Variants in IFNA2 observed in about 807,000 individuals in gnomAD.
The protein encoded by IFNA2 is interferon alpha-2.
For missense variants in IFNA2, 260 were observed against 210.3 expected, an observed-to-expected ratio of 1.24 and a Z score of -1.46; for synonymous variants, 91 against 80.7, an observed-to-expected ratio of 1.13 and a Z score of -0.68.
chr9:21,385,274 C>G lies in IFNA2; in HGVS notation c.56G>C (p.Ser19Thr). ...VALLVLSCKSSCSVGCDLPQT... is the reference protein window; with the variant it reads ...VALLVLSCKSTCSVGCDLPQT... ...AGGCAGATCACAGCCCACAGAGCAG[C>G]TTGACTTGCAGCTGAGCACCAGGAG... Residue 19 changes from serine to threonine, a missense_variant, in exon 1 of 1, where the codon AGC (serine) becomes ACC (threonine). Physicochemically the swap from Ser to Thr is moderately conservative, Grantham distance 58. Coordinates refer to ENST00000380206, the MANE Select transcript of IFNA2 (RefSeq NM_000605.4). The G allele has an allele frequency of 1.2e-6, 2 of 1,613,682 alleles. No individual in the cohort carries two copies. The highest frequency in any genetic ancestry group is 1.7e-6 in the Non-Finnish European group (2 of 1,179,822).
rs755130573 is a variant in IFNA2, at chr9:21,385,305, C to T, written c.25G>A (p.Val9Met). MALTFALL[V>M]ALLVLSCKSS... ...TTGCAGCTGAGCACCAGGAGGGCCA[C>T]CAGTAAAGCAAAGGTCAAGGCCATT... Residue 9 changes from valine (V) to methionine (M), a missense_variant, in exon 1 of 1, where the codon GTG (valine) becomes ATG (methionine). Transcript: ENST00000380206. 1 of 1,612,822 alleles carries T rather than the reference C, an allele frequency of 6.2e-7. No homozygotes were observed. Among genetic ancestry groups the T allele is most frequent in the Non-Finnish European group, 8.5e-7 (1 of 1,179,390 alleles).
Position 21,384,687 on chromosome 9 carries a change from T to G in IFNA2, c.*76A>C. The G allele has an allele frequency of 7.3e-7, 1 of 1,370,180 alleles. No homozygotes were observed. The allele number at this position is 1,370,180 out of a possible 1,614,324, so 84.9% of individuals were successfully genotyped here. On this transcript the variant is annotated 3_prime_UTR_variant, in exon 1 of 1. Transcript: ENST00000380206. ...GTCATGGTCATAGCAGAAACATGAG[T>G]CTTTGAAATGGCAGATCATAAAAAG...
At position 21,385,313 on chromosome 9, in the gene IFNA2, G is replaced by T. The variant is rs35971916; in HGVS notation, c.17C>A (p.Ala6Asp). The T allele has an allele frequency of 1.3e-3, 2,133 of 1,612,332 alleles. 36 individuals carry two copies. In the African/African-American group the frequency reaches 0.025, roughly 19 times the overall value. Reference sequence around the variant, plus strand: ...GAGCACCAGGAGGGCCACCAGTAAAGCAAAGGTCAAGGCCATTGTAGATGT... The same window carrying T: ...GAGCACCAGGAGGGCCACCAGTAAATCAAAGGTCAAGGCCATTGTAGATGT... The part of the protein sequence containing the change: MALTF[A>D]LLVALLVLSC... Residue 6 changes from alanine to aspartate, a missense_variant, in exon 1 of 1, where the codon GCT becomes GAT. Ala to Asp is a moderately radical substitution (Grantham distance 126). Coordinates refer to ENST00000380206, the MANE Select transcript of IFNA2 (RefSeq NM_000605.4).
In IFNA2 at chr9:21,385,309, T is replaced by A. The variant is rs1820870851; in HGVS notation, c.21A>T (p.Leu7Phe). The A allele has an allele frequency of 6.2e-7, 1 of 1,612,702 alleles. No homozygotes were observed. The highest frequency in any genetic ancestry group is 8.5e-7 in the Non-Finnish European group (1 of 1,179,320). ...AGCTGAGCACCAGGAGGGCCACCAG[T>A]AAAGCAAAGGTCAAGGCCATTGTAG... MALTFA[L>F]LVALLVLSCK... Residue 7 changes from leucine (L) to phenylalanine (F), a missense_variant, in exon 1 of 1, where the codon TTA (leucine) becomes TTT (phenylalanine). Transcript: ENST00000380206.
the IFNA2 span, chr9:21,384,786 C>A: frequency 1.2e-6 from 2 of 1,610,130 alleles, no homozygotes; most frequent in Non-Finnish European, 1.7e-6. Context: ...CTTAAACTTT[C>A]TTGCAAGTTT....
In IFNA2 at chr9:21,385,302, C is replaced by T; in HGVS notation, c.28G>A (p.Ala10Thr). The T allele has an allele frequency of 6.2e-7, 1 of 1,612,802 alleles. No individual in the cohort carries two copies. Among genetic ancestry groups the T allele is most frequent in the African/African-American group, 1.3e-5 (1 of 74,952 alleles). The change falls in exon 1 of 1, where the codon GCC (alanine) becomes ACC (threonine). Residue 10 changes from alanine (A) to threonine (T), a missense_variant. Physicochemically the swap from Ala to Thr is moderately conservative, Grantham distance 58. Transcript: ENST00000380206. The part of the protein sequence containing the change: MALTFALLV[A>T]LLVLSCKSSC... ...GACTTGCAGCTGAGCACCAGGAGGG[C>T]CACCAGTAAAGCAAAGGTCAAGGCC...
Position 21,384,748 on chromosome 9 carries a change from A to G in IFNA2, c.*15T>C, listed in dbSNP as rs1470647273. The stretch of plus-strand genomic sequence containing the variant: ...ATACGAATCAATGAAAATCATTTCC[A>G]TGTTGAACCAGTTTTCATTCCTTAC... On this transcript the variant is annotated 3_prime_UTR_variant, in exon 1 of 1. Coordinates refer to ENST00000380206, the MANE Select transcript of IFNA2 (RefSeq NM_000605.4). The G allele has an allele frequency of 1.3e-6, 2 of 1,577,336 alleles. No homozygotes were observed. Among genetic ancestry groups the G allele is most frequent in the African/African-American group, 1.4e-5 (1 of 73,332 alleles).
chr9:21,385,226 C>G lies in IFNA2; in HGVS notation c.104G>C (p.Arg35Thr). 6.2e-7 allele frequency: 1 copy of G among 1,613,998 alleles called. No individual in the cohort carries two copies. Among genetic ancestry groups the G allele is most frequent in the African/African-American group, 1.3e-5 (1 of 74,982 alleles). ...CTGTGCCAGGAGCATCAAGGTCCTC[C>G]TGCTACCCAGGCTGTGGGTTTGAGG... ...DLPQTHSLGSRRTLMLLAQMR... is the reference protein window; with the variant it reads ...DLPQTHSLGSTRTLMLLAQMR... The change falls in exon 1 of 1, where the codon AGG (arginine) becomes ACG (threonine). Residue 35 changes from arginine (R) to threonine (T), a missense_variant. By Grantham distance (71) the Arg-to-Thr change is moderately conservative (BLOSUM62 -1). Transcript: ENST00000380206.
Position 21,385,313 on chromosome 9 carries a change from G to A in IFNA2, c.17C>T (p.Ala6Val). The change falls in exon 1 of 1, where the codon GCT becomes GTT. Residue 6 changes from alanine to valine, a missense_variant. Physicochemically the swap from Ala to Val is moderately conservative, Grantham distance 64. Transcript: ENST00000380206. ...GAGCACCAGGAGGGCCACCAGTAAA[G>A]CAAAGGTCAAGGCCATTGTAGATGT... MALTF[A>V]LLVALLVLSC... 2.5e-6 allele frequency: 4 copies of A among 1,612,346 alleles called. No homozygotes were observed. In the South Asian group the frequency reaches 3.3e-5, roughly 13 times the overall value.
rs752630352 is a variant in IFNA2, at chr9:21,384,768, C to G, written c.562G>C (p.Glu188Gln). The G allele has an allele frequency of 6.2e-7, 1 of 1,604,574 alleles. No homozygotes were observed. Among genetic ancestry groups the G allele is most frequent in the Non-Finnish European group, 8.5e-7 (1 of 1,175,644 alleles). ...TTTCCATGTTGAACCAGTTTTCATT[C>G]CTTACTTCTTAAACTTTCTTGCAAG... ...TNLQESLRSK[E>Q] The change falls in exon 1 of 1, where the codon GAA (glutamate) becomes CAA (glutamine). Residue 188 changes from glutamate (E) to glutamine (Q), a missense_variant. Glu to Gln is a conservative substitution (Grantham distance 29). Transcript: ENST00000380206.
In IFNA2 at chr9:21,384,735, G is replaced by T; in HGVS notation, c.*28C>A. Reference sequence around the variant, plus strand: ...AAGGTGAGCTGGCATACGAATCAATGAAAATCATTTCCATGTTGAACCAGT... The same window carrying T: ...AAGGTGAGCTGGCATACGAATCAATTAAAATCATTTCCATGTTGAACCAGT... On this transcript the variant is annotated 3_prime_UTR_variant, in exon 1 of 1. Transcript: ENST00000380206. 1 of 1,558,840 alleles carries T rather than the reference G, an allele frequency of 6.4e-7. No individual in the cohort carries two copies. Among genetic ancestry groups the T allele is most frequent in the Non-Finnish European group, 8.7e-7 (1 of 1,151,388 alleles).
Position 21,384,976 on chromosome 9 carries a change from C to T in IFNA2, c.354G>A (p.Leu118=). ...CCACCCCCTGTATCACACAGGCTTC[C>T]AGGTCATTCAGCTGCTGGTAGAGTT... The part of the protein sequence containing the change: ...YTELYQQLND[L]EACVIQGVGV... The change falls in exon 1 of 1, where the codon CTG becomes CTA. Residue 118 remains leucine (L), a synonymous_variant. Transcript: ENST00000380206. The T allele has an allele frequency of 4.3e-6, 7 of 1,613,950 alleles. No homozygotes were observed. The highest frequency in any genetic ancestry group is 5.9e-6 in the Non-Finnish European group (7 of 1,179,932).
In IFNA2 at chr9:21,384,422, A is replaced by C. The variant is rs1820853009; in HGVS notation, c.*341T>G. On this transcript the variant is annotated 3_prime_UTR_variant, in exon 1 of 1. Transcript: ENST00000380206. ...TAGCAAAAGTTCAATGAACAACACA[A>C]AATAAATTTACCAAATACAAAGAAC... 6.6e-6 allele frequency: 1 copy of C among 152,622 alleles called. No individual in the cohort carries two copies. Among genetic ancestry groups the C allele is most frequent in the Admixed American group, 6.5e-5 (1 of 15,288 alleles). 9.5% of individuals were successfully genotyped at this position (152,622 alleles called of 1,614,324 possible). A position where few individuals can be genotyped will look rare whatever the true frequency, so the allele number is the denominator to read the frequency against.
At position 21,384,880 on chromosome 9, in the gene IFNA2, A is replaced by G; in HGVS notation, c.450T>C (p.Thr150=). 1 of 1,614,022 alleles carries G rather than the reference A, an allele frequency of 6.2e-7. No homozygotes were observed. The highest frequency in any genetic ancestry group is 8.5e-7 in the Non-Finnish European group (1 of 1,179,956). Residue 150 remains threonine (T), a synonymous_variant, in exon 1 of 1, where the codon ACT becomes ACC. Coordinates refer to ENST00000380206, the MANE Select transcript of IFNA2 (RefSeq NM_000605.4). ...TGTATTTCTTCTCTTTCAGATAGAGAGTGATTCTTTGGAAGTATTTCCTCA... is the reference window on the plus strand; with the variant it reads ...TGTATTTCTTCTCTTTCAGATAGAGGGTGATTCTTTGGAAGTATTTCCTCA... ...LAVRKYFQRI[T]LYLKEKKYSP...
chr9:21,385,053 T>C lies in IFNA2; in HGVS notation c.277A>G (p.Lys93Glu). The stretch of plus-strand genomic sequence containing the variant: ...TCATCCCAAGCAGCAGATGAGTCCT[T>C]TGTGCTGAAGAGATTGAAGATCTGC... ...IQQIFNLFST[K>E]DSSAAWDETL... Residue 93 changes from lysine (K) to glutamate (E), a missense_variant, in exon 1 of 1, where the codon AAG becomes GAG. Lys to Glu is a moderately conservative substitution (Grantham distance 56). Coordinates refer to ENST00000380206, the MANE Select transcript of IFNA2 (RefSeq NM_000605.4). 6.2e-7 allele frequency: 1 copy of C among 1,613,894 alleles called. No individual in the cohort carries two copies. Among genetic ancestry groups the C allele is most frequent in the Non-Finnish European group, 8.5e-7 (1 of 1,179,936 alleles).
chr9:21,384,587 A>C lies in IFNA2; in HGVS notation c.*176T>G. The C allele has an allele frequency of 2.1e-6, 1 of 466,214 alleles. No individual in the cohort carries two copies. The highest frequency in any genetic ancestry group is 3.7e-6 in the Non-Finnish European group (1 of 272,556). The allele number at this position is 466,214 out of a possible 1,614,324, so 28.9% of individuals were successfully genotyped here. A position where few individuals can be genotyped will look rare whatever the true frequency, so the allele number is the denominator to read the frequency against. On this transcript the variant is annotated 3_prime_UTR_variant, in exon 1 of 1. Coordinates refer to ENST00000380206, the MANE Select transcript of IFNA2 (RefSeq NM_000605.4). ...TGGATCAGTCAGCATGGTCCTCTGT[A>C]AGGGACTAGTGCCTTAAGAGCTGAA...
At position 21,385,140 on chromosome 9, in the gene IFNA2, C is replaced by T; in HGVS notation, c.190G>A (p.Glu64Lys). The T allele has an allele frequency of 6.2e-7, 1 of 1,613,970 alleles. No homozygotes were observed. The change falls in exon 1 of 1, where the codon GAG becomes AAG. Residue 64 changes from glutamate to lysine, a missense_variant. Transcript: ENST00000380206. Reference protein sequence around the residue: ...KDRHDFGFPQEEFGNQFQKAE... With the variant: ...KDRHDFGFPQKEFGNQFQKAE... Reference sequence around the variant, plus strand: ...TTTTGGAACTGGTTGCCAAACTCCTCCTGGGGAAATCCAAAGTCATGTCTG... The same window carrying T: ...TTTTGGAACTGGTTGCCAAACTCCTTCTGGGGAAATCCAAAGTCATGTCTG...
Position 21,385,121 on chromosome 9 carries a change from A to T in IFNA2, c.209T>A (p.Phe70Tyr). ...GFPQEEFGNQ[F>Y]QKAETIPVLH... ...GACAGGGATGGTTTCAGCCTTTTGGAACTGGTTGCCAAACTCCTCCTGGGG... is the reference window on the plus strand; with the variant it reads ...GACAGGGATGGTTTCAGCCTTTTGGTACTGGTTGCCAAACTCCTCCTGGGG... Residue 70 changes from phenylalanine to tyrosine, a missense_variant, in exon 1 of 1, where the codon TTC becomes TAC. Phe to Tyr is a conservative substitution (Grantham distance 22). Coordinates refer to ENST00000380206, the MANE Select transcript of IFNA2 (RefSeq NM_000605.4). 6.2e-7 allele frequency: 1 copy of T among 1,613,958 alleles called. No individual in the cohort carries two copies. Among genetic ancestry groups the T allele is most frequent in the Non-Finnish European group, 8.5e-7 (1 of 1,179,980 alleles).
rs1443489666 is a variant in IFNA2, at chr9:21,384,669, T to C, written c.*94A>G. ...TGAAAAGATTTAAATCGTGTCATGGTCATAGCAGAAACATGAGTCTTTGAA... is the reference window on the plus strand; with the variant it reads ...TGAAAAGATTTAAATCGTGTCATGGCCATAGCAGAAACATGAGTCTTTGAA... On this transcript the variant is annotated 3_prime_UTR_variant, in exon 1 of 1. Coordinates refer to ENST00000380206, the MANE Select transcript of IFNA2 (RefSeq NM_000605.4). 9 of 1,261,324 alleles carry C rather than the reference T, an allele frequency of 7.1e-6. No individual in the cohort carries two copies. The East Asian group carries it at 7.2e-5, about 10-fold the overall frequency. The allele number at this position is 1,261,324 out of a possible 1,614,324, so 78.1% of individuals were successfully genotyped here. A position where few individuals can be genotyped will look rare whatever the true frequency, so the allele number is the denominator to read the frequency against.
Sources: allele counts gnomAD v4.1 joint callset, GRCh38; gene constraint gnomAD v4.1.1; transcripts MANE v1.5; gene names NCBI Gene and HGNC (gene_info 2026-07-23, HGNC 2026-07-21).